Variants in ERCC6 observed in about 807,000 individuals in gnomAD.
ERCC6 encodes the protein DNA excision repair protein ERCC-6.
Under a neutral mutation model 158.7 loss-of-function variants are expected in ERCC6, and 116 were observed. The ratio of observed to expected loss-of-function variants is 0.73; its 90% confidence interval spans 0.63 to 0.85. ERCC6 has a LOEUF of 0.85. Among genes scored for constraint, ERCC6 ranks in the 40% least tolerant of loss-of-function variants. The pLI is 0.00. For synonymous variants in ERCC6, 678 were observed against 659.3 expected (o/e 1.03, Z -0.43); for missense variants, 1,698 against 1,799.4 (o/e 0.94, Z 1.02).
At chr10:49,462,471 CAATT>C (rs914861150) in intron 18 of ERCC6, among the ~76,000 whole-genome samples, 14 of 151,308 alleles carry the variant, frequency 9.3e-5, no homozygotes, top group Non-Finnish European at 1.8e-4. Context: ...ACTACAATTC[CAATT>C]AATAAAAGAC....
chr10:49,525,029 C>T, intron 4 of ERCC6: 9 of 790,136 alleles, frequency 1.1e-5, no homozygotes, highest in African/African-American at 1.8e-5. Flanking sequence ...TATAAATATA[C>T]TCTCTGCCAT....
At chr10:49,517,369 T>C (rs1837011055) in intron 5 of ERCC6, among the ~76,000 whole-genome samples, 1 of 152,172 alleles carries the variant, frequency 6.6e-6, no homozygotes, top group Admixed American at 6.5e-5. Context: ...AAAACTCACA[T>C]CACTTTTTGA....
At chr10:49,538,758 G>A (rs1316938581) in intron 1 of ERCC6, among the ~76,000 whole-genome samples, 1 of 152,238 alleles carries the variant, frequency 6.6e-6, no homozygotes, top group East Asian at 1.9e-4. Flanking sequence ...CGCCTCAGGT[G>A]AGCGCTCCTT....
intron 5 of ERCC6, among the ~76,000 whole-genome samples, chr10:49,521,201 C>A (rs1243901394): frequency 2.0e-5 from 3 of 152,206 alleles, no homozygotes; most frequent in African/African-American, 7.2e-5. Context: ...AATATGGCAA[C>A]TGGGAAGTGA....
chr10:49,461,306 T>C, intron 19 of ERCC6, 46 bp downstream of exon 19: 2 of 1,570,276 alleles, frequency 1.3e-6, no homozygotes, highest in Non-Finnish European at 1.8e-6. Context: ...TTTCTAGCCT[T>C]AGTTGTTTGG....
chr10:49,525,874 C>G (rs184265550), intron 4 of ERCC6, among the ~76,000 whole-genome samples: 15 of 151,720 alleles, frequency 9.9e-5, no homozygotes, highest in Admixed American at 8.5e-4. Flanking sequence ...ACAAGTTGTG[C>G]CTGTCTCTGA....
At chr10:49,513,853 TCTC>T (rs201267890) in intron 5 of ERCC6, among the ~76,000 whole-genome samples, 1,919 of 150,614 alleles carry the variant, frequency 0.013, 36 homozygotes, top group African/African-American at 0.043. Flanking sequence ...TCTCTCTCTC[TCTC>T]TTTTTTTTTT....
At chr10:49,503,191 T>C (rs1408031156) in intron 6 of ERCC6, 1 of 151,976 alleles carries the variant, frequency 6.6e-6, no homozygotes, top group African/African-American at 2.4e-5. Flanking sequence ...AAAGGAGCAG[T>C]TGAGAAATTA....
intron 1 of ERCC6, among the ~76,000 whole-genome samples, chr10:49,538,187 C>G (rs1837647560): frequency 6.6e-6 from 1 of 152,246 alleles, no homozygotes; most frequent in South Asian, 2.1e-4. Flanking sequence ...TCCCCCATCA[C>G]TGGGGCTCCC....
At position 49,488,919 on chromosome 10, in the gene ERCC6, G is replaced by C. The variant is rs185542294; in HGVS notation, c.1821+4198C>G. Among the ~76,000 whole-genome samples, 380 of 152,214 alleles carry C rather than the reference G, an allele frequency of 2.5e-3. 1 individual carries two copies. Among genetic ancestry groups the C allele is most frequent in the African/African-American group, 8.7e-3 (360 of 41,522 alleles). On this transcript the variant is annotated intron_variant, in intron 8 of 20. Transcript: ENST00000355832. ...CTGCCTCAGCCTCCCGAGTAGCTGG[G>C]ACTACAAGGTGCCTGCCACCACGCC...
At chr10:49,534,157 A>C (rs1369374301) in intron 1 of ERCC6, among the ~76,000 whole-genome samples, 6 of 147,068 alleles carry the variant, frequency 4.1e-5, no homozygotes, top group African/African-American at 1.5e-4. Context: ...AAAAAAAACA[A>C]AAAAAAAACT....
chr10:49,467,185 C>T (rs61545702), intron 18 of ERCC6, among the ~76,000 whole-genome samples: 2,498 of 152,282 alleles, frequency 0.016, 68 homozygotes, highest in African/African-American at 0.057. Context: ...AAAGCTGCTA[C>T]GAATATTCAT....
At chr10:49,450,645 T>C (rs1256225364), downstream of ERCC6, among the ~76,000 whole-genome samples, 1 of 152,056 alleles carries the variant, frequency 6.6e-6, no homozygotes, top group African/African-American at 2.4e-5. Flanking sequence ...GGCATGTTTT[T>C]CCATTTATTT....
the ERCC6 span, among the ~76,000 whole-genome samples, chr10:49,439,461 C>A: frequency 6.6e-6 from 1 of 152,214 alleles, no homozygotes; most frequent in Non-Finnish European, 1.5e-5. Flanking sequence ...AGCTGGGGGA[C>A]CCTGGGCCCA....
intron 3 of ERCC6, among the ~76,000 whole-genome samples, chr10:49,529,504 CA>C (rs1419660776): frequency 1.3e-5 from 2 of 152,222 alleles, no homozygotes; most frequent in African/African-American, 4.8e-5. Flanking sequence ...CATGCTCCCA[CA>C]AGAGACCAGA....
At chr10:49,518,423 C>T (rs4253070) in intron 5 of ERCC6, among the ~76,000 whole-genome samples, 1,875 of 152,344 alleles carry the variant, frequency 0.012, 22 homozygotes, top group Middle Eastern at 0.034. Context: ...GACTTCATCT[C>T]TCTGGGCTCA....
At chr10:49,443,318 A>C in the ERCC6 span, among the ~76,000 whole-genome samples, 1 of 152,252 alleles carries the variant, frequency 6.6e-6, no homozygotes, top group Non-Finnish European at 1.5e-5. Context: ...AAAAAAAAGT[A>C]CACGCAAAAA....
Position 49,504,356 on chromosome 10 carries a change from G to A in ERCC6, c.1526+1528C>T, listed in dbSNP as rs188967511. 70 of 151,944 alleles carry A rather than the reference G, an allele frequency of 4.6e-4. 1 individual carries two copies. The East Asian group carries it at 0.012, about 26-fold the overall frequency. 9.4% of individuals were successfully genotyped at this position (151,944 alleles called of 1,614,324 possible). A position where few individuals can be genotyped will look rare whatever the true frequency, so the allele number is the denominator to read the frequency against. The stretch of plus-strand genomic sequence containing the variant: ...CAATTAAGACTAATTTTTAAAAAAC[G>A]AATATTATTTATATTAACTACTATA... On this transcript the variant is annotated intron_variant, in intron 6 of 20. Transcript: ENST00000355832.
chr10:49,472,560 G>T, intron 15 of ERCC6, 90 bp from the exon 16 acceptor site: 1 of 1,322,962 alleles, frequency 7.6e-7, no homozygotes, highest in Non-Finnish European at 1.1e-6. Flanking sequence ...GTCACTACCT[G>T]TCACTCCCAG....
Sources: allele counts gnomAD v4.1 joint callset (sites outside exome capture counted in the v4.1 genomes callset), GRCh38; gene constraint gnomAD v4.1.1; transcripts MANE v1.5; gene names NCBI Gene and HGNC (gene_info 2026-07-23, HGNC 2026-07-21).